PEX19: variants seen among roughly 807,000 people sequenced by gnomAD.
PEX19 encodes peroxisomal biogenesis factor 19, also known as 33 kDa housekeeping protein.
A neutral mutation model predicts 36.3 loss-of-function variants in PEX19; 29 were observed. The observed-to-expected ratio is 0.80, with a 90% CI of 0.60 to 1.09. The LOEUF is 1.09. Ranked by LOEUF, PEX19 falls within the 50% of genes least tolerant of loss-of-function variation. The probability of loss-of-function intolerance (pLI) is 0.00; values close to 1 mark genes in which losing one functional copy is unlikely to be tolerated. For missense variants in PEX19, 396 were observed against 368.1 expected (o/e 1.08, Z -0.62); for synonymous variants, 141 against 135.2 (o/e 1.04, Z -0.30).
At chr1:160,281,440 G>C (rs1657766322) in intron 5 of PEX19, 1 of 161,864 alleles carries the variant, frequency 6.2e-6, no homozygotes, top group African/African-American at 2.4e-5. Flanking sequence ...ATGGAGTCTT[G>C]CTCTGTCACC....
Position 160,279,889 on chromosome 1 carries a change from G to A in PEX19, c.772-44C>T, listed in dbSNP as rs370351422. On this transcript the variant is annotated intron_variant, in intron 6 of 7. Transcript: ENST00000368072. ...GGAACATGAAATAGAGAAAAGCCCA[G>A]AAAACAACAGAGGATCCAGAAGAGG... 3.0e-5 allele frequency: 46 copies of A among 1,529,074 alleles called. No homozygotes were observed. The African/African-American group carries it at 6.1e-4, about 20-fold the overall frequency. The allele number at this position is 1,529,074 out of a possible 1,614,324, so 94.7% of individuals were successfully genotyped here. A position where few individuals can be genotyped will look rare whatever the true frequency, so the allele number is the denominator to read the frequency against.
chr1:160,278,184 C>T lies in PEX19; in HGVS notation c.*1367G>A. The T allele has an allele frequency of 1.4e-6, 1 of 702,496 alleles. No individual in the cohort carries two copies. The highest frequency in any genetic ancestry group is 2.7e-5 in the East Asian group (1 of 37,292). 43.5% of individuals were successfully genotyped at this position (702,496 alleles called of 1,614,324 possible). ...CCACTGGGAGCCACAGAAAAAAAGC[C>T]ACGTCAGCTTAAAGAAAAATAATTT... On this transcript the variant is annotated 3_prime_UTR_variant, in exon 8 of 8. Coordinates refer to ENST00000368072, the MANE Select transcript of PEX19 (RefSeq NM_002857.4).
Position 160,279,394 on chromosome 1 carries a change from A to C in PEX19, c.*157T>G. On this transcript the variant is annotated 3_prime_UTR_variant, in exon 8 of 8. Transcript: ENST00000368072. ...GACCCTATTCCTAGAGAGACAGAGGAAAAACCTCAGCTGGTATGGCACAAT... is the reference window on the plus strand; with the variant it reads ...GACCCTATTCCTAGAGAGACAGAGGCAAAACCTCAGCTGGTATGGCACAAT... 1.4e-6 allele frequency: 1 copy of C among 728,562 alleles called. No individual in the cohort carries two copies. Among genetic ancestry groups the C allele is most frequent in the Non-Finnish European group, 2.5e-6 (1 of 401,828 alleles). 45.1% of individuals were successfully genotyped at this position (728,562 alleles called of 1,614,324 possible).
chr1:160,280,439 G>A (rs1253773839), intron 5 of PEX19, among the ~76,000 whole-genome samples, 193 bp from the exon 6 acceptor site: 1 of 152,182 alleles, frequency 6.6e-6, no homozygotes, highest in Non-Finnish European at 1.5e-5. Flanking sequence ...ATGGTCACCA[G>A]AGATTGGTAA....
chr1:160,284,257 TGGCACTCCTCAG>T (rs1039855978), intron 1 of PEX19: 5 of 455,790 alleles, frequency 1.1e-5, no homozygotes, highest in African/African-American at 1.0e-4. Context: ...CACAGTCACT[TGGCACTCCTCAG>T]GGTTTCTGTT....
chr1:160,285,064 G>C lies in PEX19; in HGVS notation c.61C>G (p.Leu21Val), dbSNP rs374112351. 12 of 1,612,738 alleles carry C rather than the reference G, an allele frequency of 7.4e-6. No individual in the cohort carries two copies. Among genetic ancestry groups the C allele is most frequent in the Non-Finnish European group, 1.0e-5 (12 of 1,178,848 alleles). ...CACTATGGGCTCTTACTTTCCAGAA[G>C]CTCCTCCAATTCCCTGTCCGCTTCG... ...GAEADRELEE[L>V]LESALDDFDK... Residue 21 changes from leucine (L) to valine (V), a missense_variant, in exon 1 of 8, where the codon CTT becomes GTT. Leu to Val is a conservative substitution (Grantham distance 32). Coordinates refer to ENST00000368072, the MANE Select transcript of PEX19 (RefSeq NM_002857.4).
intron 3 of PEX19, 88 bp from the exon 4 acceptor site, chr1:160,282,590 T>A: frequency 1.0e-6 from 1 of 955,728 alleles, no homozygotes; most frequent in East Asian, 2.4e-5. Context: ...ATGAAGCATT[T>A]ACTAGTGAAT....
rs1367910230 is a variant in PEX19, at chr1:160,278,880, T to C, written c.*671A>G. The stretch of plus-strand genomic sequence containing the variant: ...CTGGGTTCACCCATATCACACAGCA[T>C]TGTAGGAAGAAGCAGGGTAACCATT... On this transcript the variant is annotated 3_prime_UTR_variant, in exon 8 of 8. Coordinates refer to ENST00000368072, the MANE Select transcript of PEX19 (RefSeq NM_002857.4). The C allele has an allele frequency of 2.0e-5, 9 of 453,784 alleles. No homozygotes were observed. The highest frequency in any genetic ancestry group is 3.5e-5 in the Non-Finnish European group (8 of 226,730). 28.1% of individuals were successfully genotyped at this position (453,784 alleles called of 1,614,324 possible).
At position 160,278,847 on chromosome 1, in the gene PEX19, G is replaced by C. The variant is rs773250299; in HGVS notation, c.*704C>G. 1.5e-5 allele frequency: 7 copies of C among 453,998 alleles called. No homozygotes were observed. The highest frequency in any genetic ancestry group is 1.1e-4 in the South Asian group (7 of 64,480). 28.1% of individuals were successfully genotyped at this position (453,998 alleles called of 1,614,324 possible). On this transcript the variant is annotated 3_prime_UTR_variant, in exon 8 of 8. Coordinates refer to ENST00000368072, the MANE Select transcript of PEX19 (RefSeq NM_002857.4). ...GAGGATGGGCAGGGGATAGAGGAAG[G>C]TCAGGGGCTGGGTTCACCCATATCA...
rs879543495 is a variant in PEX19, at chr1:160,277,809, C to A, written c.*1742G>T. 1.9e-6 allele frequency: 1 copy of A among 521,116 alleles called. No homozygotes were observed. The highest frequency in any genetic ancestry group is 2.2e-5 in the Admixed American group (1 of 44,644). 32.3% of individuals were successfully genotyped at this position (521,116 alleles called of 1,614,324 possible). On this transcript the variant is annotated 3_prime_UTR_variant, in exon 8 of 8. Coordinates refer to ENST00000368072, the MANE Select transcript of PEX19 (RefSeq NM_002857.4). ...TAAGGAGAAAATAGTGACACTGAAG[C>A]CCCATGACTATATCACAAGTATACC...
Position 160,282,021 on chromosome 1 carries a change from A to G in PEX19, c.594+18T>C. On this transcript the variant is annotated intron_variant, in intron 5 of 7. Transcript: ENST00000368072. ...GATGGAAAATGAAGAGAAAAAGCAG[A>G]AATGGAAGTTCACAAACCTTTTCTG... The G allele has an allele frequency of 6.2e-7, 1 of 1,611,108 alleles. No individual in the cohort carries two copies. The highest frequency in any genetic ancestry group is 8.5e-7 in the Non-Finnish European group (1 of 1,177,282).
At position 160,277,565 on chromosome 1, in the gene PEX19, C is replaced by CA; in HGVS notation, c.*1985dup. The CA allele has an allele frequency of 2.2e-6, 1 of 454,306 alleles. No homozygotes were observed. Among genetic ancestry groups the CA allele is most frequent in the South Asian group, 1.6e-5 (1 of 64,488 alleles). The allele number at this position is 454,306 out of a possible 1,614,324, so 28.1% of individuals were successfully genotyped here. The stretch of plus-strand genomic sequence containing the variant: ...GTGTGACCTGAGGTCAACCTGCTCA[C>CA]ATTCAATCAAAATCAAAATAAAAAT... On this transcript the variant is annotated 3_prime_UTR_variant, in exon 8 of 8. Coordinates refer to ENST00000368072, the MANE Select transcript of PEX19 (RefSeq NM_002857.4).
chr1:160,285,139 C>G, upstream of PEX19: 1 of 1,610,098 alleles, frequency 6.2e-7, no homozygotes, highest in East Asian at 2.2e-5. Context: ...CTACCTCCGA[C>G]TTGCCGTAGG....
At position 160,279,506 on chromosome 1, in the gene PEX19, G is replaced by C; in HGVS notation, c.*45C>G. On this transcript the variant is annotated 3_prime_UTR_variant, in exon 8 of 8. Transcript: ENST00000368072. ...GGTCCCAATGGTTCTGCTGACTCCA[G>C]ATGTTCCCCATAGCTGGGACTCAGA... The C allele has an allele frequency of 6.7e-7, 1 of 1,489,886 alleles. No individual in the cohort carries two copies. The highest frequency in any genetic ancestry group is 9.4e-7 in the Non-Finnish European group (1 of 1,067,228). 92.3% of individuals were successfully genotyped at this position (1,489,886 alleles called of 1,614,324 possible). A position where few individuals can be genotyped will look rare whatever the true frequency, so the allele number is the denominator to read the frequency against.
At chr1:160,283,987 C>T (rs1657893430) in intron 1 of PEX19, 1 of 429,746 alleles carries the variant, frequency 2.3e-6, no homozygotes, top group Admixed American at 2.9e-5. Context: ...TACAAATACC[C>T]AACAGTAGTA....
chr1:160,284,177 T>A, intron 1 of PEX19: 1 of 471,618 alleles, frequency 2.1e-6, no homozygotes, highest in South Asian at 1.5e-5. Context: ...ATTCTCCAGT[T>A]TAGTGCTCCC....
At position 160,278,374 on chromosome 1, in the gene PEX19, T is replaced by G. The variant is rs1321760301; in HGVS notation, c.*1177A>C. ...GAGGTGCAGACTGAGTTGTGGAAGG[T>G]GGGTGTTGATGGAACCCAGCATTAC... On this transcript the variant is annotated 3_prime_UTR_variant, in exon 8 of 8. Coordinates refer to ENST00000368072, the MANE Select transcript of PEX19 (RefSeq NM_002857.4). 2 of 679,498 alleles carry G rather than the reference T, an allele frequency of 2.9e-6. No homozygotes were observed. The highest frequency in any genetic ancestry group is 1.5e-5 in the South Asian group (1 of 66,506). The allele number at this position is 679,498 out of a possible 1,614,324, so 42.1% of individuals were successfully genotyped here.
At chr1:160,282,864 C>T in intron 3 of PEX19, 80 bp downstream of exon 3, 1 of 1,457,986 alleles carries the variant, frequency 6.9e-7, no homozygotes, top group South Asian at 1.1e-5. Context: ...CTATCAACTT[C>T]ACTAAGAATT....
chr1:160,285,133 C>G lies in PEX19; in HGVS notation c.-9G>C. On this transcript the variant is annotated 5_prime_UTR_variant, in exon 1 of 8. Coordinates refer to ENST00000368072, the MANE Select transcript of PEX19 (RefSeq NM_002857.4). ...TCCTCAGCGGCGGCCATCTTGCTAC[C>G]TCCGACTTGCCGTAGGAGGCGGGAC... 1 of 1,611,720 alleles carries G rather than the reference C, an allele frequency of 6.2e-7. No homozygotes were observed. The highest frequency in any genetic ancestry group is 8.5e-7 in the Non-Finnish European group (1 of 1,177,944).
Sources: allele counts gnomAD v4.1 joint callset (sites outside exome capture counted in the v4.1 genomes callset), GRCh38; gene constraint gnomAD v4.1.1; transcripts MANE v1.5; gene names NCBI Gene and HGNC (gene_info 2026-07-23, HGNC 2026-07-21).